ADAM12: variants seen among roughly 807,000 people sequenced by gnomAD.
The protein encoded by ADAM12 is ADAM metallopeptidase domain 12, also known as disintegrin and metalloproteinase domain-containing protein 12.
ADAM12 carries 70 observed loss-of-function variants against 106.4 expected under a neutral mutation model. The observed-to-expected ratio is 0.66, with a 90% CI of 0.54 to 0.80. The LOEUF (loss-of-function observed/expected upper bound fraction) is 0.80, where lower values mean the gene tolerates loss of function less well. ADAM12 is among the 30% of genes least tolerant of loss of function. ADAM12 has a pLI of 0.00. For missense variants in ADAM12, 1,010 were observed against 1,171.9 expected, an observed-to-expected ratio of 0.86 and a Z score of 2.02; for synonymous variants, 420 against 433.5, an observed-to-expected ratio of 0.97 and a Z score of 0.39.
intron 21 of ADAM12, among the ~76,000 whole-genome samples, chr10:126,026,452 T>C (rs1188185834): frequency 1.3e-5 from 2 of 152,164 alleles, no homozygotes; most frequent in Admixed American, 6.6e-5. Flanking sequence ...TACAGAACTG[T>C]CCACCCAAAA....
At chr10:126,343,900 C>A (rs529968590) in intron 1 of ADAM12, among the ~76,000 whole-genome samples, 1 of 151,968 alleles carries the variant, frequency 6.6e-6, no homozygotes, top group Non-Finnish European at 1.5e-5. Context: ...AATTTGAATT[C>A]TTTGTAGATT....
intron 3 of ADAM12, among the ~76,000 whole-genome samples, chr10:126,254,657 T>A (rs1958854276): frequency 1.3e-5 from 2 of 152,072 alleles, no homozygotes; most frequent in South Asian, 4.1e-4. Flanking sequence ...TTCCCTAGGA[T>A]CCAGAGCATC....
chr10:126,358,952 G>C (rs780285358), intron 1 of ADAM12, among the ~76,000 whole-genome samples: 1 of 152,142 alleles, frequency 6.6e-6, no homozygotes, highest in Admixed American at 6.5e-5. Context: ...AAAAGAAAGC[G>C]GTTTAATTGT....
intron 3 of ADAM12, among the ~76,000 whole-genome samples, chr10:126,204,489 G>A (rs558546387): frequency 6.6e-6 from 1 of 152,286 alleles, no homozygotes; most frequent in African/African-American, 2.4e-5. Context: ...GTCACTCTGG[G>A]TCAGGTATTC....
At chr10:126,116,569 G>T (rs1955987273) in intron 6 of ADAM12, among the ~76,000 whole-genome samples, 1 of 152,024 alleles carries the variant, frequency 6.6e-6, no homozygotes, top group Non-Finnish European at 1.5e-5. Context: ...ACAGTGTTCT[G>T]CCACCAAGCA....
Position 126,280,215 on chromosome 10 carries a change from A to G in ADAM12, c.187-1227T>C, listed in dbSNP as rs12268563. Among the ~76,000 whole-genome samples, 1,030 of 152,258 alleles carry G rather than the reference A, an allele frequency of 6.8e-3. 13 individuals are homozygous for G. The highest frequency in any genetic ancestry group is 0.023 in the African/African-American group (949 of 41,544). ...AAAACCCATAACAACTGAAGGTCACATGAGTTTTGGGAAAAAAAAATGAGT... is the reference window on the plus strand; with the variant it reads ...AAAACCCATAACAACTGAAGGTCACGTGAGTTTTGGGAAAAAAAAATGAGT... On this transcript the variant is annotated intron_variant, in intron 2 of 22. Transcript: ENST00000448723.
At chr10:126,302,480 C>T (rs1165446927) in intron 2 of ADAM12, among the ~76,000 whole-genome samples, 1 of 151,932 alleles carries the variant, frequency 6.6e-6, no homozygotes, top group South Asian at 2.1e-4. Flanking sequence ...GAAATGATGA[C>T]GAGAAGAAAG....
chr10:126,083,727 G>GC (rs556927385), intron 11 of ADAM12, among the ~76,000 whole-genome samples: 4 of 152,204 alleles, frequency 2.6e-5, no homozygotes, highest in African/African-American at 9.6e-5. Context: ...GGAAATAGGC[G>GC]CCCCGCCTCA....
intron 5 of ADAM12, among the ~76,000 whole-genome samples, chr10:126,118,702 C>T (rs1230446863): frequency 6.6e-6 from 1 of 152,122 alleles, no homozygotes; most frequent in Non-Finnish European, 1.5e-5. Flanking sequence ...TTTTAGTGCA[C>T]CTGTCATCTG....
At position 126,071,666 on chromosome 10, in the gene ADAM12, G is replaced by A; in HGVS notation, c.1146-12C>T. The A allele has an allele frequency of 1.2e-6, 2 of 1,613,988 alleles. No individual in the cohort carries two copies. Among genetic ancestry groups the A allele is most frequent in the Non-Finnish European group, 1.7e-6 (2 of 1,179,922 alleles). On this transcript the variant is annotated splice_polypyrimidine_tract_variant and intron_variant, in intron 11 of 22. Transcript: ENST00000448723. ...TGGGAAATGGGTACCTGAGAAAGGA[G>A]AGCCCAGAACAGTAAGTCACAGGGC...
At chr10:126,345,156 G>A (rs1321576105) in intron 1 of ADAM12, among the ~76,000 whole-genome samples, 2 of 152,118 alleles carry the variant, frequency 1.3e-5, no homozygotes, top group Non-Finnish European at 2.9e-5. Context: ...TATTGGCTAT[G>A]GGTTTGTCAT....
intron 19 of ADAM12, among the ~76,000 whole-genome samples, chr10:126,038,930 T>C (rs1954106001): frequency 6.7e-6 from 1 of 150,286 alleles, no homozygotes; most frequent in Non-Finnish European, 1.5e-5. Flanking sequence ...CAGTTTGCTG[T>C]ACATTTTCTG....
intron 1 of ADAM12, among the ~76,000 whole-genome samples, chr10:126,332,348 T>C (rs1423762306): frequency 1.3e-5 from 2 of 152,218 alleles, no homozygotes; most frequent in African/African-American, 4.8e-5. Flanking sequence ...CTCTCCGTCC[T>C]GTGCATTTCA....
intron 2 of ADAM12, among the ~76,000 whole-genome samples, chr10:126,300,260 A>T (rs1479226650): frequency 6.6e-6 from 1 of 152,126 alleles, no homozygotes; most frequent in East Asian, 1.9e-4. Context: ...GGAAAGAAGG[A>T]AGGAGGCTAC....
chr10:126,241,687 T>C (rs1355923784), intron 3 of ADAM12, among the ~76,000 whole-genome samples: 1 of 152,218 alleles, frequency 6.6e-6, no homozygotes, highest in Non-Finnish European at 1.5e-5. Context: ...CAGCAAGCTG[T>C]GTGAATGCTC....
At chr10:126,363,476 G>A (rs1328519307) in intron 1 of ADAM12, among the ~76,000 whole-genome samples, 3 of 152,150 alleles carry the variant, frequency 2.0e-5, no homozygotes, top group African/African-American at 7.2e-5. Context: ...GAGCCCCAAG[G>A]AGTCCCTTGT....
intron 21 of ADAM12, among the ~76,000 whole-genome samples, chr10:126,030,863 C>T (rs538330742): frequency 5.9e-5 from 9 of 152,222 alleles, no homozygotes; most frequent in Admixed American, 2.6e-4. Context: ...GTCATTAATC[C>T]GTAACTGAGT....
chr10:126,227,152 C>T (rs1477868070), intron 3 of ADAM12, among the ~76,000 whole-genome samples: 1 of 152,012 alleles, frequency 6.6e-6, no homozygotes, highest in African/African-American at 2.4e-5. Context: ...TCACCATTGT[C>T]ACTACCATCA....
chr10:126,182,514 A>G (rs960538426), intron 3 of ADAM12, among the ~76,000 whole-genome samples: 2 of 152,202 alleles, frequency 1.3e-5, no homozygotes, highest in African/African-American at 4.8e-5. Context: ...TTTGTAGACA[A>G]AAGACGTAAA....
Sources: allele counts gnomAD v4.1 joint callset (sites outside exome capture counted in the v4.1 genomes callset), GRCh38; gene constraint gnomAD v4.1.1; transcripts MANE v1.5; gene names NCBI Gene and HGNC (gene_info 2026-07-23, HGNC 2026-07-21).